INPP1: variants seen among roughly 807,000 people sequenced by gnomAD.
INPP1 encodes inositol polyphosphate 1-phosphatase.
In INPP1, 18 loss-of-function variants were observed where a neutral mutation model predicts 23.0. The ratio of observed to expected loss-of-function variants is 0.78; its 90% CI spans 0.54 to 1.16. The LOEUF (loss-of-function observed/expected upper bound fraction) is 1.16. Among genes scored for constraint, INPP1 ranks in the 50% most tolerant of loss-of-function variants. The pLI is 0.00. For missense variants in INPP1, 448 were observed against 482.1 expected, an observed-to-expected ratio of 0.93 and a Z score of 0.66; for synonymous variants, 164 against 176.3, an observed-to-expected ratio of 0.93 and a Z score of 0.55.
chr2:190,370,824 T>G lies in INPP1; in HGVS notation c.642-20T>G. ...AAACAAATGTGATAATCATCACCAATTGAAATTTTTCTTCTACAGGTGGAA... is the reference window on the plus strand; with the variant it reads ...AAACAAATGTGATAATCATCACCAAGTGAAATTTTTCTTCTACAGGTGGAA... On this transcript the variant is annotated intron_variant, in intron 6 of 6. Transcript: ENST00000392329. 1.3e-6 allele frequency: 2 copies of G among 1,545,186 alleles called. No individual in the cohort carries two copies. The highest frequency in any genetic ancestry group is 1.2e-5 in the South Asian group (1 of 82,268).
In INPP1 at chr2:190,351,798, A is replaced by G. The variant is rs78817503; in HGVS notation, c.-65+2767A>G. Among the ~76,000 whole-genome samples the G allele has an allele frequency of 8.4e-3, 1,283 of 152,338 alleles. 23 individuals are homozygous for G. The highest frequency in any genetic ancestry group is 0.029 in the African/African-American group (1,191 of 41,578). On this transcript the variant is annotated intron_variant, in intron 2 of 6. Transcript: ENST00000392329. ...TACGTGTCTTTTAATCCATACCTGC[A>G]TGAGTTTTGTTGGGTAAATATCTAC...
rs1225747899 is a variant in INPP1 at position 190,343,688 on chromosome 2, C to T, written c.-482C>T. On this transcript the variant is annotated 5_prime_UTR_variant, in exon 1 of 7. Transcript: ENST00000392329. Reference sequence around the variant, plus strand: ...CGCGCGTTTCCACGCCGCGGTCCCGCGGGAAAGCCGGGGGCGGCGGCCTGG... The same window carrying T: ...CGCGCGTTTCCACGCCGCGGTCCCGTGGGAAAGCCGGGGGCGGCGGCCTGG... The T allele has an allele frequency of 6.6e-6, 1 of 152,056 alleles. No individual in the cohort carries two copies. Among genetic ancestry groups the T allele is most frequent in the Non-Finnish European group, 1.5e-5 (1 of 67,998 alleles). 9.4% of individuals were successfully genotyped at this position (152,056 alleles called of 1,614,324 possible).
chr2:190,366,392 CCT>C (rs1470906553), intron 4 of INPP1, among the ~76,000 whole-genome samples: 3 of 139,828 alleles, frequency 2.1e-5, no homozygotes, highest in African/African-American at 8.2e-5. Flanking sequence ...TTTCACTCTC[CCT>C]GTCTGTCTCT....
intron 6 of INPP1, among the ~76,000 whole-genome samples, chr2:190,370,501 C>A (rs961610318): frequency 1.3e-5 from 2 of 152,044 alleles, no homozygotes; most frequent in African/African-American, 4.8e-5. Flanking sequence ...CTTTTCTATT[C>A]CTTTTTCCCT....
intron 4 of INPP1, among the ~76,000 whole-genome samples, chr2:190,366,026 GCTCGCT>G (rs1689648511): frequency 1.5e-5 from 1 of 67,888 alleles, no homozygotes; most frequent in Non-Finnish European, 2.9e-5. Flanking sequence ...GCTCTCTCTC[GCTCGCT>G]CTCTGTCTCA....
rs1689415601 is a variant in INPP1 at position 190,356,054 on chromosome 2, AATT to A, written c.-64-3981_-64-3979del. On this transcript the variant is annotated intron_variant, in intron 2 of 6. Coordinates refer to ENST00000392329, the MANE Select transcript of INPP1 (RefSeq NM_001128928.2). The surrounding 1 kb of genome is among the most constrained non-coding windows in gnomAD (Gnocchi z 6.4). ...GTAGCCTTCAGTTTCTCCATAGACA[AATT>A]ATTTCAAGTTGAGCCATTCAAGGTT... 6.6e-6 allele frequency among the ~76,000 whole-genome samples: 1 copy of A among 152,204 alleles called. No individual in the cohort carries two copies. The highest frequency in any genetic ancestry group is 1.5e-5 in the Non-Finnish European group (1 of 68,024).
chr2:190,353,491 C>CAAGTTAAGA (rs1440625140), intron 2 of INPP1, among the ~76,000 whole-genome samples: 1 of 152,206 alleles, frequency 6.6e-6, no homozygotes, highest in Non-Finnish European at 1.5e-5. Flanking sequence ...CTTACTTTCT[C>CAAGTTAAGA]AAGTTAAGAC....
In INPP1 at chr2:190,363,724, T is replaced by A. The variant is rs960384522; in HGVS notation, c.265+1037T>A. ...AAGAAATCTTTTAAACCTCTGAAGG[T>A]TAAAAATAACACTTATGCCTGACTT... is the stretch of plus-strand genomic sequence containing the variant. On this transcript the variant is annotated intron_variant, in intron 4 of 6. Coordinates refer to ENST00000392329, the MANE Select transcript of INPP1 (RefSeq NM_001128928.2). The surrounding 1 kb of genome is among the most constrained non-coding windows in gnomAD (Gnocchi z 4.4). Among the ~76,000 whole-genome samples, 1 of 152,184 alleles carries A rather than the reference T, an allele frequency of 6.6e-6. No homozygotes were observed. The highest frequency in any genetic ancestry group is 1.5e-5 in the Non-Finnish European group (1 of 68,030).
intron 4 of INPP1, chr2:190,365,000 T>A (rs1385345809): frequency 6.2e-6 from 1 of 161,492 alleles, no homozygotes; most frequent in Non-Finnish European, 1.5e-5. Context: ...AGCTACTAGA[T>A]AGCTAGGAGT....
intron 1 of INPP1, 49 bp from the exon 2 acceptor site, chr2:190,348,838 GC>G (rs1366014023): frequency 2.6e-5 from 4 of 152,154 alleles, no homozygotes; most frequent in African/African-American, 4.8e-5. Context: ...CAACCTCTCT[GC>G]CCCTGCTTTT....
rs1447618160 is a variant in INPP1 at position 190,346,137 on chromosome 2, A to T, written c.-209+2176A>T. Among the ~76,000 whole-genome samples, 2 of 152,198 alleles carry T rather than the reference A, an allele frequency of 1.3e-5. No homozygotes were observed. Among genetic ancestry groups the T allele is most frequent in the African/African-American group, 4.8e-5 (2 of 41,444 alleles). On this transcript the variant is annotated intron_variant, in intron 1 of 6. Transcript: ENST00000392329. This position sits in a 1 kb window ranked among gnomAD's most constrained non-coding sequence, Gnocchi z 5.1. ...GCAAGTCGGGGAGTGGGTAGAGTAT[A>T]ATAGTGGTTTAAAAGATTCCCAGAT...
chr2:190,371,540 A>G lies in INPP1; in HGVS notation c.*138A>G, dbSNP rs551503426. 3 of 534,984 alleles carry G rather than the reference A, an allele frequency of 5.6e-6. No individual in the cohort carries two copies. In the Admixed American group the frequency reaches 1.1e-4, roughly 20 times the overall value. 33.1% of individuals were successfully genotyped at this position (534,984 alleles called of 1,614,324 possible). A position where few individuals can be genotyped will look rare whatever the true frequency, so the allele number is the denominator to read the frequency against. The stretch of plus-strand genomic sequence containing the variant: ...TTTGAGGAGTATTTTTCCATTATGT[A>G]TTCATAATAATGTTAATTTCAATAA... On this transcript the variant is annotated 3_prime_UTR_variant, in exon 7 of 7. Coordinates refer to ENST00000392329, the MANE Select transcript of INPP1 (RefSeq NM_001128928.2). This position sits in a 1 kb window ranked among gnomAD's most constrained non-coding sequence, Gnocchi z 5.3.
Position 190,352,123 on chromosome 2 carries a change from C to T in INPP1, c.-65+3092C>T, listed in dbSNP as rs904233873. ...CTCCTGTATGAAGTGCCTATTCAAG[C>T]TTCTTGCCCTTGAACTGATTCTGAG... On this transcript the variant is annotated intron_variant, in intron 2 of 6. Transcript: ENST00000392329. The surrounding 1 kb of genome is among the most constrained non-coding windows in gnomAD (Gnocchi z 4.7). Among the ~76,000 whole-genome samples, 3 of 152,196 alleles carry T rather than the reference C, an allele frequency of 2.0e-5. No homozygotes were observed. Among genetic ancestry groups the T allele is most frequent in the African/African-American group, 7.2e-5 (3 of 41,434 alleles).
Position 190,362,684 on chromosome 2 carries a change from TG to T in INPP1, c.265+1del. On this transcript the variant is annotated frameshift_variant and splice_region_variant, in exon 4 of 7. Transcript: ENST00000392329. LOFTEE classifies it high-confidence loss of function. The stretch of plus-strand genomic sequence containing the variant: ...AGAATCCAATGAGTTTACTAATGAC[TG>T]GGGTAAGTATAAGAATCTTAATGTG... ...GEESNEFTND[W>X]GEKITLRLCS... 6.3e-7 allele frequency: 1 copy of T among 1,584,158 alleles called. No individual in the cohort carries two copies. The highest frequency in any genetic ancestry group is 8.7e-7 in the Non-Finnish European group (1 of 1,155,006).
intron 4 of INPP1, 68 bp from the exon 5 acceptor site, chr2:190,366,627 C>G (rs1003890052): frequency 9.0e-7 from 1 of 1,111,238 alleles, no homozygotes; most frequent in South Asian, 1.3e-5. Flanking sequence ...CTCTTTAGCT[C>G]TCTCTCTCTG....
In INPP1 at chr2:190,360,166, T is replaced by TGCAGACA; in HGVS notation, c.69_75dup (p.Glu26ThrfsTer25). 1 of 1,614,058 alleles carries TGCAGACA rather than the reference T, an allele frequency of 6.2e-7. No individual in the cohort carries two copies. The highest frequency in any genetic ancestry group is 8.5e-7 in the Non-Finnish European group (1 of 1,180,024). ...GAAGGCTGCTAACATTGCCCGGGCG[T>TGCAGACA]GCAGACAGCAGGAAGCCCTCTTCCA... On this transcript the variant is annotated frameshift_variant, in exon 3 of 7. Transcript: ENST00000392329. LOFTEE classifies it high-confidence loss of function.
chr2:190,367,390 A>G lies in INPP1; in HGVS notation c.466+495A>G, dbSNP rs1575792843. On this transcript the variant is annotated intron_variant, in intron 5 of 6. Transcript: ENST00000392329. This position sits in a 1 kb window ranked among gnomAD's most constrained non-coding sequence, Gnocchi z 4.1. ...ATATCCCAATTTCTAACCGTTAGCT[A>G]CTAATTCAGTTAAAGAAGGAAACAA... Among the ~76,000 whole-genome samples the G allele has an allele frequency of 6.6e-6, 1 of 152,184 alleles. No homozygotes were observed. Among genetic ancestry groups the G allele is most frequent in the East Asian group, 1.9e-4 (1 of 5,198 alleles).
chr2:190,348,259 A>G (rs1403491673), intron 1 of INPP1, among the ~76,000 whole-genome samples: 1 of 152,226 alleles, frequency 6.6e-6, no homozygotes, highest in African/African-American at 2.4e-5. Flanking sequence ...CTTGTTTTTT[A>G]AAAATATAAG....
In INPP1 at chr2:190,367,519, G is replaced by C. The variant is rs543708295; in HGVS notation, c.466+624G>C. 6.6e-6 allele frequency among the ~76,000 whole-genome samples: 1 copy of C among 152,308 alleles called. No homozygotes were observed. Among genetic ancestry groups the C allele is most frequent in the East Asian group, 1.9e-4 (1 of 5,190 alleles). The stretch of plus-strand genomic sequence containing the variant: ...ATTTTTTTTGGTCATGATTGTGATA[G>C]AACCATAATGTATAATCCATTGTTT... On this transcript the variant is annotated intron_variant, in intron 5 of 6. Coordinates refer to ENST00000392329, the MANE Select transcript of INPP1 (RefSeq NM_001128928.2). The surrounding 1 kb of genome is among the most constrained non-coding windows in gnomAD (Gnocchi z 4.1).
Sources: gnomAD v4.1 joint callset for allele counts (sites outside exome capture counted in the v4.1 genomes callset) on GRCh38, gnomAD v4.1.1 for gene constraint, Gnocchi (gnomAD v3.1) non-coding constraint, MANE v1.5 for transcripts, NCBI Gene and HGNC (gene_info 2026-07-23, HGNC 2026-07-21) for gene names.